KAZN: variants seen among roughly 807,000 people sequenced by gnomAD.
The protein encoded by KAZN is kazrin, periplakin interacting protein, also known as kazrin.
In KAZN, 40 loss-of-function variants were observed where a neutral mutation model predicts 87.4. That is an observed-to-expected ratio of 0.46 (90% CI 0.36 to 0.60). The LOEUF (loss-of-function observed/expected upper bound fraction) is 0.60, where lower values mean the gene tolerates loss of function less well. Ranked by LOEUF, KAZN falls within the 20% of genes least tolerant of loss-of-function variation. The pLI is 0.00. For synonymous variants in KAZN, 466 were observed against 458.3 expected (o/e 1.02, Z -0.22); for missense variants, 898 against 1,073.9 (o/e 0.84, Z 2.29).
chr1:14,514,407 A>ATATTATATATT (rs1476552166), intron 2 of KAZN, among the ~76,000 whole-genome samples: 2 of 10,362 alleles, frequency 1.9e-4, no homozygotes, highest in Admixed American at 1.1e-3. Context: ...TTATATATAT[A>ATATTATATATT]ATATATAAAT....
At chr1:14,931,459 G>A (rs58651023) in intron 1 of KAZN, among the ~76,000 whole-genome samples, 20,595 of 151,678 alleles carry the variant, frequency 0.14, 1,839 homozygotes, top group East Asian at 0.4. Context: ...TAAAAAAAAA[G>A]AGAGAAGTCA....
intron 2 of KAZN, among the ~76,000 whole-genome samples, chr1:14,418,451 G>A (rs1665022913): frequency 6.6e-6 from 1 of 152,178 alleles, no homozygotes; most frequent in Non-Finnish European, 1.5e-5. Context: ...CTGTCAGCAT[G>A]TAACCAATGG....
At chr1:14,725,647 A>G (rs538682579) in intron 1 of KAZN, among the ~76,000 whole-genome samples, 5 of 152,128 alleles carry the variant, frequency 3.3e-5, no homozygotes, top group African/African-American at 4.8e-5. Context: ...GCCCACGTTC[A>G]TTGCCCAGTG....
intron 2 of KAZN, among the ~76,000 whole-genome samples, chr1:14,398,342 A>G (rs1232822966): frequency 4.6e-5 from 7 of 152,224 alleles, no homozygotes; most frequent in African/African-American, 1.2e-4. Context: ...GCCACTTACT[A>G]TCTGTGATTT....
intron 1 of KAZN, among the ~76,000 whole-genome samples, chr1:13,962,235 G>A (rs922756251): frequency 1.2e-4 from 19 of 152,166 alleles, no homozygotes; most frequent in African/African-American, 4.3e-4. Context: ...GGCAGATGTG[G>A]CTACAGGTGC....
chr1:14,178,072 G>C (rs113891572), intron 1 of KAZN, among the ~76,000 whole-genome samples: 6 of 152,046 alleles, frequency 3.9e-5, no homozygotes, highest in African/African-American at 1.4e-4. Flanking sequence ...TAATGAGTGA[G>C]TCTCAGGAGA....
At chr1:13,976,492 A>G (rs1359394083) in intron 1 of KAZN, among the ~76,000 whole-genome samples, 2 of 151,876 alleles carry the variant, frequency 1.3e-5, no homozygotes, top group Non-Finnish European at 2.9e-5. Flanking sequence ...AAGCCATCAT[A>G]TTAAAAATAT....
At chr1:13,895,777 C>CGA (rs2100823287) in intron 1 of KAZN, among the ~76,000 whole-genome samples, 1 of 152,228 alleles carries the variant, frequency 6.6e-6, no homozygotes, top group African/African-American at 2.4e-5. Context: ...ACGTACTCAC[C>CGA]GAGTACCTAC....
intron 1 of KAZN, among the ~76,000 whole-genome samples, chr1:14,635,033 G>A (rs1319197525): frequency 1.3e-5 from 2 of 152,186 alleles, no homozygotes; most frequent in Non-Finnish European, 2.9e-5. Context: ...AAAATGATGA[G>A]GGGGAAGGGA....
At chr1:14,704,736 A>T (rs1459118235) in intron 1 of KAZN, among the ~76,000 whole-genome samples, 1 of 152,086 alleles carries the variant, frequency 6.6e-6, no homozygotes, top group Non-Finnish European at 1.5e-5. Flanking sequence ...CACAGGAGGG[A>T]ACCTGTACAA....
chr1:14,417,587 A>C (rs1664903524), intron 2 of KAZN, among the ~76,000 whole-genome samples: 1 of 152,130 alleles, frequency 6.6e-6, no homozygotes, highest in African/African-American at 2.4e-5. Context: ...TTGGAGTCAA[A>C]CCAGAGAAAC....
intron 2 of KAZN, among the ~76,000 whole-genome samples, chr1:14,243,401 A>G (rs545895255): frequency 6.6e-6 from 1 of 152,282 alleles, no homozygotes; most frequent in South Asian, 2.1e-4. Context: ...AGGAGGGAAG[A>G]AGAGCAGAGT....
intron 1 of KAZN, among the ~76,000 whole-genome samples, chr1:14,069,092 C>T (rs1161785034): frequency 3.9e-5 from 6 of 152,174 alleles, no homozygotes; most frequent in East Asian, 1.9e-4. Flanking sequence ...CCACCATGCC[C>T]GGCCAGTTGT....
At chr1:14,797,382 A>G (rs910192217) in intron 1 of KAZN, among the ~76,000 whole-genome samples, 4 of 152,076 alleles carry the variant, frequency 2.6e-5, no homozygotes, top group Admixed American at 2.6e-4. Context: ...TTTTAATTTA[A>G]CTATGTTTTG....
At chr1:14,851,106 C>T (rs978703293) in intron 1 of KAZN, among the ~76,000 whole-genome samples, 3 of 152,146 alleles carry the variant, frequency 2.0e-5, no homozygotes, top group Non-Finnish European at 4.4e-5. Context: ...CAGTCCTTGG[C>T]GTTAATCCCT....
At chr1:14,744,084 G>A (rs1644193715) in intron 1 of KAZN, among the ~76,000 whole-genome samples, 1 of 152,148 alleles carries the variant, frequency 6.6e-6, no homozygotes, top group African/African-American at 2.4e-5. Context: ...CTTGTTGAGG[G>A]GAGACGGTCA....
intron 1 of KAZN, among the ~76,000 whole-genome samples, chr1:14,845,139 G>A (rs772281697): frequency 1.3e-5 from 2 of 151,734 alleles, no homozygotes; most frequent in Non-Finnish European, 2.9e-5. Flanking sequence ...ATGAGTGGAT[G>A]ATGAATGGAT....
chr1:14,890,444 C>T (rs2101156276), intron 1 of KAZN, among the ~76,000 whole-genome samples: 1 of 152,330 alleles, frequency 6.6e-6, no homozygotes, highest in South Asian at 2.1e-4. Context: ...GAAACTGAAT[C>T]TGTCAAACCT....
At chr1:13,927,886 T>A (rs1049052137) in intron 1 of KAZN, among the ~76,000 whole-genome samples, 2 of 152,056 alleles carry the variant, frequency 1.3e-5, no homozygotes, top group Non-Finnish European at 2.9e-5. Flanking sequence ...AAAGATATGG[T>A]CACATGAACA....
Sources: gnomAD v4.1 joint callset for allele counts (sites outside exome capture counted in the v4.1 genomes callset) on GRCh38, gnomAD v4.1.1 for gene constraint, MANE v1.5 for transcripts, NCBI Gene and HGNC (gene_info 2026-07-23, HGNC 2026-07-21) for gene names.